Variants in CDH18 observed in about 807,000 individuals in gnomAD.
CDH18 encodes the protein cadherin-18.
CDH18 carries 31 observed loss-of-function variants against 67.9 expected under a neutral mutation model. That is an observed-to-expected ratio of 0.46 (90% CI 0.34 to 0.62). The LOEUF is 0.62. Among genes scored for constraint, CDH18 ranks in the 20% least tolerant of loss-of-function variants. The pLI is 0.01. For missense variants in CDH18, 890 were observed against 975.5 expected (o/e 0.91, Z 1.17); for synonymous variants, 362 against 347.2 (o/e 1.04, Z -0.48).
chr5:20,387,728 C>T (rs1344039447), intron 1 of CDH18, among the ~76,000 whole-genome samples: 2 of 151,996 alleles, frequency 1.3e-5, no homozygotes, highest in Non-Finnish European at 2.9e-5. Context: ...TCTTATTATG[C>T]TGAGATACGT....
intron 2 of CDH18, among the ~76,000 whole-genome samples, chr5:19,878,901 T>A (rs559730982): frequency 1.3e-5 from 2 of 152,168 alleles, no homozygotes; most frequent in African/African-American, 4.8e-5. Context: ...AGTTTTCGAA[T>A]GTTGCAAACT....
intron 1 of CDH18, among the ~76,000 whole-genome samples, chr5:20,402,313 T>C (rs181136558): frequency 1.3e-5 from 2 of 152,198 alleles, no homozygotes; most frequent in Admixed American, 1.3e-4. Flanking sequence ...CTGGATAGAA[T>C]ATAAAATCTA....
chr5:19,573,930 T>C (rs1272989707), intron 7 of CDH18, among the ~76,000 whole-genome samples: 5 of 152,224 alleles, frequency 3.3e-5, no homozygotes, highest in Non-Finnish European at 5.9e-5. Flanking sequence ...TTCTTCTCAC[T>C]GAATATGGGT....
chr5:20,206,658 GTA>G (rs1198876583), intron 2 of CDH18, among the ~76,000 whole-genome samples: 1 of 151,716 alleles, frequency 6.6e-6, no homozygotes, highest in Non-Finnish European at 1.5e-5. Flanking sequence ...CCCAGGATAA[GTA>G]TATATATACA....
At chr5:19,666,662 T>C (rs917626697) in intron 5 of CDH18, among the ~76,000 whole-genome samples, 3 of 152,058 alleles carry the variant, frequency 2.0e-5, no homozygotes, top group African/African-American at 7.2e-5. Context: ...CCTTCAAATA[T>C]CAATTTCACT....
chr5:19,515,224 T>C (rs1745783746), intron 10 of CDH18, among the ~76,000 whole-genome samples: 1 of 152,214 alleles, frequency 6.6e-6, no homozygotes, highest in South Asian at 2.1e-4. Context: ...TTGGTACCAG[T>C]ACCATGCTGT....
intron 1 of CDH18, among the ~76,000 whole-genome samples, chr5:20,295,510 C>T (rs548467079): frequency 4.6e-5 from 7 of 152,078 alleles, no homozygotes; most frequent in Non-Finnish European, 8.8e-5. Flanking sequence ...GGGTGGATCA[C>T]GAGGTCAAGA....
At position 20,389,826 on chromosome 5, in the gene CDH18, C is replaced by T. The variant is rs190952728; in HGVS notation, c.-579-134321G>A. ...TGGAAAAGAACAGAGCCCTCAGAAA[C>T]AATGCTGCATATCTACAACTATCTG... On this transcript the variant is annotated intron_variant, in intron 1 of 14. Coordinates refer to the CDH18 transcript ENST00000507958. 3.5e-3 allele frequency among the ~76,000 whole-genome samples: 535 copies of T among 152,046 alleles called. 2 individuals carry two copies. Among genetic ancestry groups the T allele is most frequent in the African/African-American group, 0.012 (509 of 41,490 alleles).
At chr5:20,551,163 C>A (rs1757613135) in intron 1 of CDH18, among the ~76,000 whole-genome samples, 1 of 152,016 alleles carries the variant, frequency 6.6e-6, no homozygotes, top group Non-Finnish European at 1.5e-5. Context: ...TGATATGAAA[C>A]CAGCTATGAG....
chr5:19,624,705 C>A (rs1751247390), intron 5 of CDH18, among the ~76,000 whole-genome samples: 1 of 152,136 alleles, frequency 6.6e-6, no homozygotes, highest in African/African-American at 2.4e-5. Context: ...AATGCACTCC[C>A]CATGCTGGAG....
intron 2 of CDH18, among the ~76,000 whole-genome samples, chr5:20,242,975 A>G (rs772870456): frequency 1.3e-5 from 2 of 152,116 alleles, no homozygotes; most frequent in Non-Finnish European, 2.9e-5. Flanking sequence ...GATTAATTCT[A>G]AATCTTACAA....
intron 9 of CDH18, among the ~76,000 whole-genome samples, chr5:19,523,645 A>G (rs1747285701): frequency 6.6e-6 from 1 of 152,162 alleles, no homozygotes; most frequent in Non-Finnish European, 1.5e-5. Context: ...AAGCCAGACT[A>G]ACACAATACT....
chr5:20,183,711 AC>A (rs1255470898), intron 2 of CDH18, among the ~76,000 whole-genome samples: 1 of 152,122 alleles, frequency 6.6e-6, no homozygotes, highest in East Asian at 1.9e-4. Flanking sequence ...TTTCTGTTTA[AC>A]TAGACTTTTA....
intron 11 of CDH18, among the ~76,000 whole-genome samples, chr5:19,499,758 T>G (rs1163092310): frequency 1.3e-5 from 2 of 152,136 alleles, no homozygotes; most frequent in Non-Finnish European, 2.9e-5. Context: ...TCTTTTAAAT[T>G]TTTGGTTCTC....
chr5:20,554,143 A>G (rs1198674668), intron 1 of CDH18, among the ~76,000 whole-genome samples: 1 of 152,172 alleles, frequency 6.6e-6, no homozygotes, highest in Non-Finnish European at 1.5e-5. Context: ...AAAGTGCTAG[A>G]TATCTAGTCA....
At chr5:20,268,479 T>C (rs904929626) in intron 1 of CDH18, among the ~76,000 whole-genome samples, 5 of 152,186 alleles carry the variant, frequency 3.3e-5, no homozygotes, top group Non-Finnish European at 7.3e-5. Flanking sequence ...GGCTCACACC[T>C]ATAATCCTGG....
intron 2 of CDH18, among the ~76,000 whole-genome samples, chr5:20,040,240 A>C (rs1740298294): frequency 1.3e-5 from 2 of 152,152 alleles, no homozygotes; most frequent in Non-Finnish European, 2.9e-5. Context: ...CCTATGCAAC[A>C]AACATGCACA....
At chr5:20,081,724 A>G (rs1744493442) in intron 2 of CDH18, among the ~76,000 whole-genome samples, 1 of 152,150 alleles carries the variant, frequency 6.6e-6, no homozygotes, top group South Asian at 2.1e-4. Context: ...GTTCTCACTT[A>G]CAAGTGGGAG....
intron 5 of CDH18, among the ~76,000 whole-genome samples, chr5:19,711,458 A>G (rs1764695100): frequency 6.6e-6 from 1 of 152,010 alleles, no homozygotes. Context: ...GGCAAAAGAC[A>G]TAACAGACAT....
Sources: allele counts gnomAD v4.1 joint callset (sites outside exome capture counted in the v4.1 genomes callset), GRCh38; gene constraint gnomAD v4.1.1; transcripts MANE v1.5; gene names NCBI Gene and HGNC (gene_info 2026-07-23, HGNC 2026-07-21).